The following UGT1A9 variants were observed in gnomAD, a reference collection of about 807,000 sequenced individuals.
UGT1A9 encodes UDP glucuronosyltransferase family 1 member A9.
Under a neutral mutation model 45.0 loss-of-function variants are expected in UGT1A9, and 35 were observed. The ratio of observed to expected loss-of-function variants is 0.78; its 90% CI spans 0.59 to 1.03. UGT1A9 has a LOEUF of 1.03. Ranked by LOEUF, UGT1A9 falls within the 50% of genes least tolerant of loss-of-function variation. The probability of loss-of-function intolerance (pLI) is 0.00; values close to 1 mark genes in which losing one functional copy is unlikely to be tolerated. For missense variants in UGT1A9, 687 were observed against 666.6 expected, an observed-to-expected ratio of 1.03 and a Z score of -0.34; for synonymous variants, 278 against 250.6, an observed-to-expected ratio of 1.11 and a Z score of -1.03.
At chr2:233,674,885 A>G (rs1396441907) in intron 1 of UGT1A9, among the ~76,000 whole-genome samples, 1 of 152,226 alleles carries the variant, frequency 6.6e-6, no homozygotes, top group African/African-American at 2.4e-5. Context: ...TGGACACTTC[A>G]TATTGCTCCT....
At chr2:233,696,823 G>A (rs1055061621) in intron 1 of UGT1A9, among the ~76,000 whole-genome samples, 3 of 152,150 alleles carry the variant, frequency 2.0e-5, no homozygotes, top group Non-Finnish European at 4.4e-5. Context: ...TATTGAGAGT[G>A]TGTATCATAA....
At position 233,769,343 on chromosome 2, in the gene UGT1A9, T is replaced by C. The variant is rs950579425; in HGVS notation, c.1295+904T>C. On this transcript the variant is annotated intron_variant, in intron 4 of 4. Coordinates refer to ENST00000354728, the MANE Select transcript of UGT1A9 (RefSeq NM_021027.3). The surrounding 1 kb of genome is among the most constrained non-coding windows in gnomAD (Gnocchi z 4.4). ...TGGTAATAGGCTTATTAGAACCTTA[T>C]GGGAAGAAGTGGTGGCCAGTGGTAG... Among the ~76,000 whole-genome samples the C allele has an allele frequency of 6.6e-6, 1 of 152,250 alleles. No individual in the cohort carries two copies. The highest frequency in any genetic ancestry group is 2.4e-5 in the African/African-American group (1 of 41,464).
rs760373903 is a variant in UGT1A9 at position 233,682,308 on chromosome 2, G to T, written c.855+9519G>T. ...ATTTTTGACTTATTTTTTTCAAATTGCAGGAGTTTGTTTAATGACCGAAAA... is the reference window on the plus strand; with the variant it reads ...ATTTTTGACTTATTTTTTTCAAATTTCAGGAGTTTGTTTAATGACCGAAAA... On this transcript the variant is annotated intron_variant, in intron 1 of 4. Coordinates refer to ENST00000354728, the MANE Select transcript of UGT1A9 (RefSeq NM_021027.3). The T allele has an allele frequency of 5.0e-6, 8 of 1,614,108 alleles. No homozygotes were observed. The South Asian group carries it at 8.8e-5, about 18-fold the overall frequency.
intron 1 of UGT1A9, chr2:233,690,419 C>A: frequency 8.1e-7 from 1 of 1,228,856 alleles, no homozygotes; most frequent in Non-Finnish European, 1.1e-6. Flanking sequence ...AAATTACCTT[C>A]ATGCACATCT....
intron 1 of UGT1A9, among the ~76,000 whole-genome samples, chr2:233,762,570 C>A (rs1698104527): frequency 6.6e-6 from 1 of 152,154 alleles, no homozygotes; most frequent in South Asian, 2.1e-4. Flanking sequence ...TAGTCTAGTT[C>A]CCCACAGAGG....
intron 2 of UGT1A9, 53 bp downstream of exon 2, chr2:233,767,218 C>A: frequency 6.2e-7 from 1 of 1,611,886 alleles, no homozygotes; most frequent in South Asian, 1.1e-5. Context: ...GAGCGCTAAT[C>A]CCAGACTTCC....
At chr2:233,691,386 TG>T (rs761017193) in intron 1 of UGT1A9, 81 of 985,468 alleles carry the variant, frequency 8.2e-5, no homozygotes, top group Non-Finnish European at 9.6e-5. Flanking sequence ...ATGTTCCCCA[TG>T]GGGGCCAGCC....
At chr2:233,710,883 A>G (rs916106723) in intron 1 of UGT1A9, among the ~76,000 whole-genome samples, 10 of 152,160 alleles carry the variant, frequency 6.6e-5, no homozygotes, top group African/African-American at 2.4e-4. Context: ...AAACAGTTTA[A>G]GTTTGTAGGT....
Position 233,769,525 on chromosome 2 carries a change from C to T in UGT1A9, c.1295+1086C>T. On this transcript the variant is annotated intron_variant, in intron 4 of 4. Transcript: ENST00000354728. The surrounding 1 kb of genome is among the most constrained non-coding windows in gnomAD (Gnocchi z 4.4). ...CATTGCTTTCTCCCATGGTTACCTC[C>T]TTTAGAAAGAAGCAGCAGTCAGGAA... 1 of 1,612,854 alleles carries T rather than the reference C, an allele frequency of 6.2e-7. No individual in the cohort carries two copies. Among genetic ancestry groups the T allele is most frequent in the Non-Finnish European group, 8.5e-7 (1 of 1,179,858 alleles).
At chr2:233,755,301 G>A in intron 1 of UGT1A9, 2 of 599,966 alleles carry the variant, frequency 3.3e-6, no homozygotes, top group Non-Finnish European at 5.2e-6. Context: ...CGGGGCACTG[G>A]CACAGCGAGC....
intron 1 of UGT1A9, among the ~76,000 whole-genome samples, chr2:233,742,284 C>A (rs1006206335): frequency 1.3e-5 from 2 of 151,974 alleles, no homozygotes; most frequent in Non-Finnish European, 2.9e-5. Context: ...AGCATCATTT[C>A]TATAGATTAT....
In UGT1A9 at chr2:233,676,858, G is replaced by C. The variant is rs28969707; in HGVS notation, c.855+4069G>C. Among the ~76,000 whole-genome samples, 1,477 of 152,198 alleles carry C rather than the reference G, an allele frequency of 9.7e-3. 36 individuals carry two copies. Among genetic ancestry groups the C allele is most frequent in the African/African-American group, 0.033 (1,385 of 41,530 alleles). On this transcript the variant is annotated intron_variant, in intron 1 of 4. Transcript: ENST00000354728. ...ACCTTTTCTCCACTGCATTGCCTTT[G>C]TACCTTTGTAAAAACTTGGTTGTTC...
intron 1 of UGT1A9, among the ~76,000 whole-genome samples, chr2:233,748,665 G>C (rs2125893824): frequency 6.6e-6 from 1 of 151,856 alleles, no homozygotes; most frequent in South Asian, 2.1e-4. Context: ...AGTTTCCAGA[G>C]AGGGATCTGT....
At chr2:233,737,682 C>T (rs555307155) in intron 1 of UGT1A9, among the ~76,000 whole-genome samples, 163 of 152,234 alleles carry the variant, frequency 1.1e-3, no homozygotes, top group Non-Finnish European at 1.9e-3. Flanking sequence ...CCTATTTGGC[C>T]ATTGGTGCTG....
In UGT1A9 at chr2:233,672,783, G is replaced by T. The variant is rs1355332240; in HGVS notation, c.849G>T (p.Leu283Phe). ...TCAACTGCCATCAGGGAAAGCCGTT[G>T]CCTATGGTAAGTTATCTCTCCTTTA... is the stretch of plus-strand genomic sequence containing the variant. ...GGINCHQGKP[L>F]PMEFEAYINA... Residue 283 changes from leucine to phenylalanine, a missense_variant, in exon 1 of 5, where the codon TTG (leucine) becomes TTT (phenylalanine). Coordinates refer to ENST00000354728, the MANE Select transcript of UGT1A9 (RefSeq NM_021027.3). 1.2e-5 allele frequency: 20 copies of T among 1,613,272 alleles called. No homozygotes were observed. Among genetic ancestry groups the T allele is most frequent in the Non-Finnish European group, 1.6e-5 (19 of 1,179,390 alleles).
intron 1 of UGT1A9, among the ~76,000 whole-genome samples, chr2:233,735,310 TA>T (rs978223857): frequency 8.5e-5 from 13 of 152,318 alleles, no homozygotes; most frequent in African/African-American, 2.2e-4. Flanking sequence ...AAGTCTGTTT[TA>T]TCAGAGACTA....
chr2:233,688,290 AT>A (rs1275876598), intron 1 of UGT1A9, among the ~76,000 whole-genome samples: 2 of 151,938 alleles, frequency 1.3e-5, no homozygotes, highest in East Asian at 1.9e-4. Context: ...GATTTACCGC[AT>A]TTTTTTTATC....
intron 1 of UGT1A9, chr2:233,713,190 A>G: frequency 6.2e-7 from 1 of 1,614,244 alleles, no homozygotes; most frequent in Non-Finnish European, 8.5e-7. Flanking sequence ...GGAGGTGAAT[A>G]TGTACATCAA....
chr2:233,725,707 A>G (rs1000435706), intron 1 of UGT1A9, among the ~76,000 whole-genome samples: 2 of 152,208 alleles, frequency 1.3e-5, no homozygotes, highest in Non-Finnish European at 2.9e-5. Flanking sequence ...GTAGTTAGTG[A>G]CTACCATATG....
Sources: allele counts gnomAD v4.1 joint callset (sites outside exome capture counted in the v4.1 genomes callset), GRCh38; gene constraint gnomAD v4.1.1; non-coding constraint Gnocchi (gnomAD v3.1); transcripts MANE v1.5; gene names NCBI Gene and HGNC (gene_info 2026-07-23, HGNC 2026-07-21).